The following MARCHF1 variants were observed in gnomAD, a reference collection of about 807,000 sequenced individuals.
The protein encoded by MARCHF1 is E3 ubiquitin-protein ligase MARCHF1.
MARCHF1 carries 40 observed loss-of-function variants against 54.2 expected under a neutral mutation model. The ratio of observed to expected loss-of-function variants is 0.74; its 90% CI spans 0.57 to 0.96. The LOEUF (loss-of-function observed/expected upper bound fraction) is 0.96, where lower values mean the gene tolerates loss of function less well. Ranked by LOEUF, MARCHF1 falls within the 40% of genes least tolerant of loss-of-function variation. The pLI is 0.00. For synonymous variants in MARCHF1, 236 were observed against 236.3 expected (o/e 1.00, Z 0.01); for missense variants, 586 against 656.5 (o/e 0.89, Z 1.17).
At chr4:163,904,620 G>A (rs1393972209) in intron 3 of MARCHF1, among the ~76,000 whole-genome samples, 3 of 152,136 alleles carry the variant, frequency 2.0e-5, no homozygotes, top group Non-Finnish European at 4.4e-5. Flanking sequence ...AGATATTAGG[G>A]AAAGACTGTT....
At chr4:164,171,313 A>T (rs534981300) in intron 1 of MARCHF1, among the ~76,000 whole-genome samples, 35 of 152,276 alleles carry the variant, frequency 2.3e-4, no homozygotes, top group Admixed American at 1.3e-3. Flanking sequence ...GAGTGTTTCC[A>T]TTACTATAAG....
intron 3 of MARCHF1, among the ~76,000 whole-genome samples, chr4:163,945,122 C>T (rs1228727367): frequency 6.6e-6 from 1 of 152,124 alleles, no homozygotes; most frequent in Non-Finnish European, 1.5e-5. Flanking sequence ...CTATGCTAGC[C>T]TCTACTCCCA....
intron 2 of MARCHF1, among the ~76,000 whole-genome samples, chr4:164,079,980 AT>A (rs1182731575): frequency 6.6e-6 from 1 of 152,142 alleles, no homozygotes; most frequent in Admixed American, 6.5e-5. Context: ...GTGTAATCCA[AT>A]TCCCTTGATT....
At chr4:164,291,444 T>C (rs1198263264) in intron 1 of MARCHF1, among the ~76,000 whole-genome samples, 1 of 152,048 alleles carries the variant, frequency 6.6e-6, no homozygotes, top group African/African-American at 2.4e-5. Context: ...GGACTAACAT[T>C]TTACATGCCA....
chr4:163,738,601 G>C (rs537464898), intron 4 of MARCHF1, among the ~76,000 whole-genome samples: 2 of 152,258 alleles, frequency 1.3e-5, no homozygotes, highest in Middle Eastern at 3.4e-3. Flanking sequence ...GTCCAATAAA[G>C]GGCTATTTTT....
At chr4:163,961,740 C>T (rs1752350037) in intron 3 of MARCHF1, among the ~76,000 whole-genome samples, 2 of 151,708 alleles carry the variant, frequency 1.3e-5, no homozygotes, top group Admixed American at 6.6e-5. Context: ...CGCCTTTTTC[C>T]CAAAGTTAAA....
intron 3 of MARCHF1, among the ~76,000 whole-genome samples, chr4:163,906,816 C>A (rs1201254585): frequency 1.0e-5 from 1 of 100,180 alleles, no homozygotes; most frequent in Admixed American, 1.2e-4. Flanking sequence ...AAGATTTGAT[C>A]TTGATATATA....
intron 4 of MARCHF1, among the ~76,000 whole-genome samples, chr4:163,819,399 C>G (rs1267186164): frequency 6.6e-6 from 1 of 152,114 alleles, no homozygotes; most frequent in Non-Finnish European, 1.5e-5. Flanking sequence ...CATCTGAATT[C>G]TGTGTCTTCT....
At chr4:164,269,272 T>C (rs1733684562) in intron 1 of MARCHF1, among the ~76,000 whole-genome samples, 1 of 152,162 alleles carries the variant, frequency 6.6e-6, no homozygotes, top group Non-Finnish European at 1.5e-5. Context: ...TTTGTCCAGC[T>C]TATCCTGTAG....
chr4:164,181,541 A>C (rs1180834880), intron 1 of MARCHF1, among the ~76,000 whole-genome samples: 1 of 152,194 alleles, frequency 6.6e-6, no homozygotes, highest in African/African-American at 2.4e-5. Context: ...AAAATTCTAA[A>C]ATCTTACAAA....
At chr4:163,836,477 C>G (rs1483163196) in intron 4 of MARCHF1, among the ~76,000 whole-genome samples, 1 of 135,780 alleles carries the variant, frequency 7.4e-6, no homozygotes. Context: ...GATCTCCTGA[C>G]CTCGTGATCC....
intron 5 of MARCHF1, among the ~76,000 whole-genome samples, chr4:163,681,750 T>C (rs1744111814): frequency 6.6e-6 from 1 of 152,238 alleles, no homozygotes; most frequent in Non-Finnish European, 1.5e-5. Context: ...TAAACCTCTT[T>C]CCTTTATAAG....
chr4:163,636,037 T>C (rs529704772), intron 5 of MARCHF1, among the ~76,000 whole-genome samples: 325 of 152,254 alleles, frequency 2.1e-3, no homozygotes, highest in African/African-American at 7.3e-3. Flanking sequence ...TTTGACAAAA[T>C]TCAACAACCC....
rs149563617 is a variant in MARCHF1, at chr4:164,110,415, G to A, written c.-248+1173C>T. Reference sequence around the variant, plus strand: ...GTTTCCCCTTTTTATGTGATTCTTCGCCAATTTCAAGATTTTTTTGAACTA... The same window carrying A: ...GTTTCCCCTTTTTATGTGATTCTTCACCAATTTCAAGATTTTTTTGAACTA... On this transcript the variant is annotated intron_variant, in intron 2 of 9. Coordinates refer to ENST00000514618, the MANE Select transcript of MARCHF1 (RefSeq NM_001394959.1). 1.5e-3 allele frequency among the ~76,000 whole-genome samples: 233 copies of A among 151,276 alleles called. 5 individuals carry two copies. The East Asian group carries it at 0.037, about 24-fold the overall frequency.
intron 5 of MARCHF1, among the ~76,000 whole-genome samples, chr4:163,632,068 A>C (rs1742106840): frequency 6.6e-6 from 1 of 152,346 alleles, no homozygotes; most frequent in Admixed American, 6.5e-5. Flanking sequence ...TGGCTACTAT[A>C]AAGAAAACAG....
intron 3 of MARCHF1, chr4:163,932,378 GA>G (rs1751696534): frequency 2.9e-6 from 1 of 342,310 alleles, no homozygotes; most frequent in African/African-American, 2.1e-5. Flanking sequence ...TTCAAAACTG[GA>G]GTAAATCCTT....
At chr4:164,024,570 A>G (rs1225445767) in intron 2 of MARCHF1, among the ~76,000 whole-genome samples, 2 of 152,220 alleles carry the variant, frequency 1.3e-5, no homozygotes, top group African/African-American at 4.8e-5. Flanking sequence ...GACAAGCTTT[A>G]AAAGAGGTCC....
chr4:164,068,745 C>A (rs529490855), intron 2 of MARCHF1, among the ~76,000 whole-genome samples: 1 of 152,286 alleles, frequency 6.6e-6, no homozygotes, highest in Admixed American at 6.5e-5. Context: ...TGAGGGCGCA[C>A]AGCGTGGGAC....
intron 5 of MARCHF1, among the ~76,000 whole-genome samples, chr4:163,620,612 G>C (rs938006972): frequency 0.064 from 3,547 of 55,108 alleles, 104 homozygotes; most frequent in African/African-American, 0.19. Context: ...CACACAGAGA[G>C]AGAGAGAGAG....
Sources: allele counts gnomAD v4.1 joint callset (sites outside exome capture counted in the v4.1 genomes callset), GRCh38; gene constraint gnomAD v4.1.1; transcripts MANE v1.5; gene names NCBI Gene and HGNC (gene_info 2026-07-23, HGNC 2026-07-21).